Variants in PTP4A2 observed in about 807,000 individuals in gnomAD.
PTP4A2 encodes protein tyrosine phosphatase type IVA 2.
In PTP4A2, 2 loss-of-function variants were observed where a neutral mutation model predicts 22.9. The observed-to-expected ratio is 0.09, with a 90% confidence interval of 0.04 to 0.27. PTP4A2 has a LOEUF of 0.27. Ranked by LOEUF, PTP4A2 falls within the 10% of genes least tolerant of loss-of-function variation. The probability of loss-of-function intolerance (pLI) is 1.00; values close to 1 mark genes in which losing one functional copy is unlikely to be tolerated. For synonymous variants in PTP4A2, 68 were observed against 69.1 expected (o/e 0.98, Z 0.08); for missense variants, 103 against 205.1 (o/e 0.50, Z 3.04).
intron 1 of PTP4A2, among the ~76,000 whole-genome samples, chr1:31,931,389 T>C (rs1352484580): frequency 6.6e-6 from 1 of 152,164 alleles, no homozygotes. Flanking sequence ...GCTGAGAATT[T>C]CAGACCAATT....
intron 1 of PTP4A2, among the ~76,000 whole-genome samples, chr1:31,935,282 C>T (rs745884047): frequency 6.6e-6 from 1 of 152,158 alleles, no homozygotes; most frequent in Admixed American, 6.5e-5. Context: ...AAAGCACACA[C>T]CCCGGGGCCC....
chr1:31,928,602 CAGG>C (rs1273896794), intron 1 of PTP4A2, among the ~76,000 whole-genome samples: 1 of 145,526 alleles, frequency 6.9e-6, no homozygotes, highest in African/African-American at 2.6e-5. Context: ...GTGGCTGAAG[CAGG>C]AGAATTGCTT....
intron 1 of PTP4A2, among the ~76,000 whole-genome samples, chr1:31,934,590 T>G (rs1042324836): frequency 5.3e-5 from 8 of 152,200 alleles, no homozygotes; most frequent in Non-Finnish European, 8.8e-5. Flanking sequence ...TGTCTGAAAA[T>G]TGTAAAGTGT....
intron 1 of PTP4A2, among the ~76,000 whole-genome samples, chr1:31,937,351 A>T (rs1184471725): frequency 1.3e-5 from 2 of 151,978 alleles, no homozygotes; most frequent in African/African-American, 4.8e-5. Context: ...CTTGAACCTG[A>T]AGACCCACGG....
rs1570269377 is a variant in PTP4A2, at chr1:31,907,635, T to C, written c.*1217A>G. 1 of 151,980 alleles carries C rather than the reference T, an allele frequency of 6.6e-6. No homozygotes were observed. The highest frequency in any genetic ancestry group is 1.5e-5 in the Non-Finnish European group (1 of 67,988). The allele number at this position is 151,980 out of a possible 1,614,324, so 9.4% of individuals were successfully genotyped here. ...CAGTGGTTAAACTGAACTTTACATA[T>C]AGGGGGCAGTTTGGAAAACACATAC... On this transcript the variant is annotated 3_prime_UTR_variant, in exon 6 of 6. Transcript: ENST00000647444.
At chr1:31,933,217 C>A in intron 1 of PTP4A2, 1 of 152,490 alleles carries the variant, frequency 6.6e-6, no homozygotes, top group South Asian at 2.1e-4. Flanking sequence ...CCAGGCTGGT[C>A]TCGAACTCCT....
At chr1:31,909,913 C>T in intron 5 of PTP4A2, 125 bp downstream of exon 5, 1 of 756,188 alleles carries the variant, frequency 1.3e-6, no homozygotes, top group Non-Finnish European at 2.1e-6. Flanking sequence ...TTTACATCTT[C>T]AAATAATACT....
rs1198919053 is a variant in PTP4A2, at chr1:31,906,938, T to G, written c.*1914A>C. Reference sequence around the variant, plus strand: ...AGTCTATATTAATGGAATCTATTGTTGCATTCTGAAATAAAGAATTTTGGA... The same window carrying G: ...AGTCTATATTAATGGAATCTATTGTGGCATTCTGAAATAAAGAATTTTGGA... On this transcript the variant is annotated 3_prime_UTR_variant, in exon 6 of 6. Coordinates refer to ENST00000647444, the MANE Select transcript of PTP4A2 (RefSeq NM_080391.4). The G allele has an allele frequency of 6.6e-6, 1 of 152,230 alleles. No individual in the cohort carries two copies. 9.4% of individuals were successfully genotyped at this position (152,230 alleles called of 1,614,324 possible).
At chr1:31,920,126 CAA>C (rs772173962) in intron 1 of PTP4A2, among the ~76,000 whole-genome samples, 2 of 43,180 alleles carry the variant, frequency 4.6e-5, no homozygotes, top group African/African-American at 9.4e-5. Context: ...AACTCTGCCT[CAA>C]AAAAAAAAAA....
intron 4 of PTP4A2, chr1:31,910,837 G>A (rs1037109261): frequency 2.0e-5 from 3 of 152,116 alleles, no homozygotes; most frequent in African/African-American, 2.4e-5. Context: ...GGTGCTAGAC[G>A]TTTTCAAGAA....
intron 1 of PTP4A2, among the ~76,000 whole-genome samples, chr1:31,923,183 A>G (rs1652273736): frequency 6.6e-6 from 1 of 151,894 alleles, no homozygotes; most frequent in Admixed American, 6.6e-5. Context: ...TGCTGGGATT[A>G]CAGACGTGAG....
chr1:31,921,777 G>T (rs1044390666), intron 1 of PTP4A2: 1 of 152,124 alleles, frequency 6.6e-6, no homozygotes, highest in Non-Finnish European at 1.5e-5. Context: ...AAATATATAG[G>T]TAAGTAGCTA....
At chr1:31,936,041 A>C (rs1652921258) in intron 1 of PTP4A2, among the ~76,000 whole-genome samples, 1 of 151,828 alleles carries the variant, frequency 6.6e-6, no homozygotes, top group Non-Finnish European at 1.5e-5. Context: ...CTCCTGCCTC[A>C]GCCTCCCAAA....
intron 4 of PTP4A2, chr1:31,910,659 A>T (rs895171218): frequency 1.3e-5 from 2 of 152,300 alleles, no homozygotes; most frequent in Admixed American, 6.5e-5. Context: ...TCTTTAAAAC[A>T]TCACATTATA....
At chr1:31,915,729 G>A (rs1651796188) in intron 3 of PTP4A2, 166 bp downstream of exon 3, 3 of 547,558 alleles carry the variant, frequency 5.5e-6, no homozygotes, top group African/African-American at 3.9e-5. Context: ...CTGTACAGAT[G>A]AGATCTCGCC....
At chr1:31,920,443 C>CA in intron 1 of PTP4A2, among the ~76,000 whole-genome samples, 1 of 144,500 alleles carries the variant, frequency 6.9e-6, no homozygotes, top group East Asian at 2.1e-4. Context: ...AACTCTGTCT[C>CA]AAAAAACAAA....
intron 1 of PTP4A2, among the ~76,000 whole-genome samples, chr1:31,923,822 A>G (rs1652320458): frequency 6.6e-6 from 1 of 152,216 alleles, no homozygotes; most frequent in Admixed American, 6.5e-5. Context: ...TGAGCCACTA[A>G]GTCCAGCCCC....
At chr1:31,929,564 TAAG>T (rs983002922) in intron 1 of PTP4A2, among the ~76,000 whole-genome samples, 1 of 152,222 alleles carries the variant, frequency 6.6e-6, no homozygotes, top group African/African-American at 2.4e-5. Flanking sequence ...GTAACCTTCT[TAAG>T]AATAGGAACT....
chr1:31,929,447 T>A (rs1002294291), intron 1 of PTP4A2, among the ~76,000 whole-genome samples: 9 of 152,232 alleles, frequency 5.9e-5, no homozygotes, highest in Non-Finnish European at 1.0e-4. Flanking sequence ...ATCATGGCTA[T>A]CTTTTCTATG....
Sources: gnomAD v4.1 joint callset for allele counts (sites outside exome capture counted in the v4.1 genomes callset) on GRCh38, gnomAD v4.1.1 for gene constraint, MANE v1.5 for transcripts, NCBI Gene and HGNC (gene_info 2026-07-23, HGNC 2026-07-21) for gene names.